The following SREBF2 variants were observed in gnomAD, a reference collection of about 807,000 sequenced individuals.
SREBF2 encodes sterol regulatory element-binding protein 2.
In SREBF2, 55 loss-of-function variants were observed where a neutral mutation model predicts 113.1. That is an observed-to-expected ratio of 0.49 (90% CI 0.39 to 0.61). The LOEUF is 0.61. Among genes scored for constraint, SREBF2 ranks in the 20% least tolerant of loss-of-function variants. The pLI, the probability that SREBF2 is intolerant of heterozygous loss-of-function variation, is 0.00. For synonymous variants in SREBF2, 593 were observed against 605.7 expected, an observed-to-expected ratio of 0.98 and a Z score of 0.31; for missense variants, 1,349 against 1,487.4, an observed-to-expected ratio of 0.91 and a Z score of 1.53.
At chr22:41,876,481 GTCA>G (rs1459763328) in intron 7 of SREBF2, among the ~76,000 whole-genome samples, 1 of 152,204 alleles carries the variant, frequency 6.6e-6, no homozygotes, top group Non-Finnish European at 1.5e-5. Context: ...GGGCTTCTGA[GTCA>G]TCAGAAGAAA....
In SREBF2 at chr22:41,867,291, A is replaced by G. The variant is rs375251297; in HGVS notation, c.538+11A>G. 72 of 1,613,904 alleles carry G rather than the reference A, an allele frequency of 4.5e-5. No homozygotes were observed. Among genetic ancestry groups the G allele is most frequent in the Middle Eastern group, 3.3e-4 (2 of 6,084 alleles). ...CTACTAGCTTTCAAGGTGATTCAGA[A>G]GTTAGAATGGTAGTGGTTGGTTGGT... On this transcript the variant is annotated intron_variant, in intron 2 of 18. Transcript: ENST00000361204.
At chr22:41,845,179 T>C (rs908495283) in intron 1 of SREBF2, among the ~76,000 whole-genome samples, 3 of 152,134 alleles carry the variant, frequency 2.0e-5, no homozygotes, top group Non-Finnish European at 4.4e-5. Context: ...TCCACCTGCC[T>C]TGGCCTCCCA....
At chr22:41,880,636 G>A in intron 9 of SREBF2, 80 bp from the exon 10 acceptor site, 2 of 1,560,796 alleles carry the variant, frequency 1.3e-6, no homozygotes, top group Non-Finnish European at 1.8e-6. Context: ...ATAATTGGGG[G>A]CAGGGGGAGT....
At chr22:41,866,267 G>C (rs1308235643) in intron 1 of SREBF2, among the ~76,000 whole-genome samples, 1 of 152,098 alleles carries the variant, frequency 6.6e-6, no homozygotes, top group Non-Finnish European at 1.5e-5. Context: ...GAAAAAGAGA[G>C]AGGCTGGGTG....
intron 13 of SREBF2, among the ~76,000 whole-genome samples, chr22:41,896,713 G>A (rs533966170): frequency 6.6e-6 from 1 of 152,214 alleles, no homozygotes; most frequent in Non-Finnish European, 1.5e-5. Flanking sequence ...CCTGAGGAGA[G>A]GGGGAGGGGG....
In SREBF2 at chr22:41,903,210, C is replaced by G; in HGVS notation, c.3093+55C>G. On this transcript the variant is annotated intron_variant, in intron 17 of 18. Coordinates refer to ENST00000361204, the MANE Select transcript of SREBF2 (RefSeq NM_004599.4). ...CAGATTGGAGCCTGTGGGGCCTGAG[C>G]CCAGAACCCAGCATGGGCACCAGCA... is the stretch of plus-strand genomic sequence containing the variant. The G allele has an allele frequency of 2.0e-6, 3 of 1,534,508 alleles. No individual in the cohort carries two copies. The South Asian group carries it at 3.6e-5, about 18-fold the overall frequency.
At chr22:41,902,894 C>G in intron 16 of SREBF2, 76 bp from the exon 17 acceptor site, 3 of 1,482,580 alleles carry the variant, frequency 2.0e-6, no homozygotes, top group Non-Finnish European at 2.8e-6. Flanking sequence ...TGGGGAGAGG[C>G]CTGGTAGGTG....
At chr22:41,888,624 T>TG (rs1490582100) in intron 11 of SREBF2, among the ~76,000 whole-genome samples, 8 of 152,230 alleles carry the variant, frequency 5.3e-5, no homozygotes, top group African/African-American at 1.9e-4. Flanking sequence ...AGGTACTTGA[T>TG]GCTGCTGATG....
chr22:41,893,511 C>T (rs2077384094), intron 12 of SREBF2, among the ~76,000 whole-genome samples: 2 of 152,140 alleles, frequency 1.3e-5, no homozygotes, highest in Non-Finnish European at 2.9e-5. Flanking sequence ...GCTGGGTGTG[C>T]AGCTCTGCTC....
At chr22:41,845,897 C>G (rs2076873024) in intron 1 of SREBF2, among the ~76,000 whole-genome samples, 1 of 152,178 alleles carries the variant, frequency 6.6e-6, no homozygotes. Context: ...TGTGGAAGGT[C>G]TGGGATGTTG....
chr22:41,839,742 A>C (rs980384752), intron 1 of SREBF2, among the ~76,000 whole-genome samples: 1 of 152,144 alleles, frequency 6.6e-6, no homozygotes, highest in African/African-American at 2.4e-5. Flanking sequence ...TTGCATGGAC[A>C]CACCGCATTC....
intron 11 of SREBF2, among the ~76,000 whole-genome samples, chr22:41,887,976 C>T (rs1309264427): frequency 6.6e-6 from 1 of 152,150 alleles, no homozygotes; most frequent in Non-Finnish European, 1.5e-5. Context: ...CAAGTCTTAC[C>T]TCTTTTTCAT....
intron 4 of SREBF2, among the ~76,000 whole-genome samples, chr22:41,872,878 G>A (rs2077159192): frequency 1.3e-5 from 2 of 149,454 alleles, no homozygotes; most frequent in South Asian, 4.2e-4. Flanking sequence ...GGGCAACAGA[G>A]TGAGACTTTG....
At chr22:41,897,723 G>T (rs765182517) in intron 14 of SREBF2, among the ~76,000 whole-genome samples, 16 of 152,146 alleles carry the variant, frequency 1.1e-4, no homozygotes, top group Admixed American at 2.0e-4. Context: ...GGAAGATGGG[G>T]GTACCAAGCT....
rs775747610 is a variant in SREBF2, at chr22:41,904,847, C to T, written c.3094-16C>T. ...GGACCAGGGGTGTGATGGATGTCAC[C>T]CCGGCACCTCCCCAGGTGTTCCTGC... On this transcript the variant is annotated splice_polypyrimidine_tract_variant and intron_variant, in intron 17 of 18. Transcript: ENST00000361204. The T allele has an allele frequency of 1.3e-6, 2 of 1,568,382 alleles. No homozygotes were observed. Among genetic ancestry groups the T allele is most frequent in the Non-Finnish European group, 1.7e-6 (2 of 1,157,212 alleles).
chr22:41,875,163 G>A (rs1436456652), intron 5 of SREBF2, among the ~76,000 whole-genome samples, 174 bp from the exon 6 acceptor site: 1 of 152,198 alleles, frequency 6.6e-6, no homozygotes, highest in Non-Finnish European at 1.5e-5. Context: ...GTGAGGTTCT[G>A]AGGTATGGAA....
At chr22:41,888,482 A>G (rs2077321397) in intron 11 of SREBF2, among the ~76,000 whole-genome samples, 1 of 151,998 alleles carries the variant, frequency 6.6e-6, no homozygotes, top group Admixed American at 6.5e-5. Context: ...AGTCTGTTCC[A>G]CTGCACCATC....
chr22:41,879,970 G>A (rs1285983221), intron 9 of SREBF2, among the ~76,000 whole-genome samples: 1 of 148,382 alleles, frequency 6.7e-6, no homozygotes, highest in Non-Finnish European at 1.5e-5. Context: ...CACTGAGGTG[G>A]GGGGATTGCT....
intron 1 of SREBF2, among the ~76,000 whole-genome samples, chr22:41,838,770 G>A (rs2076801905): frequency 6.6e-6 from 1 of 152,074 alleles, no homozygotes; most frequent in African/African-American, 2.4e-5. Context: ...ATTGAACGGT[G>A]GTGATAGGCA....
Sources: gnomAD v4.1 joint callset for allele counts (sites outside exome capture counted in the v4.1 genomes callset) on GRCh38, gnomAD v4.1.1 for gene constraint, MANE v1.5 for transcripts, NCBI Gene and HGNC (gene_info 2026-07-23, HGNC 2026-07-21) for gene names.